The following GMNN variants were observed in gnomAD, a reference collection of about 807,000 sequenced individuals.
GMNN encodes the protein geminin.
A neutral mutation model predicts 20.9 loss-of-function variants in GMNN; 14 were observed. The ratio of observed to expected loss-of-function variants is 0.67; its 90% CI spans 0.44 to 1.05. The LOEUF (loss-of-function observed/expected upper bound fraction) is 1.05. GMNN is among the 50% of genes least tolerant of loss of function. The pLI is 0.00. For synonymous variants in GMNN, 81 were observed against 85.8 expected (o/e 0.94, Z 0.31); for missense variants, 227 against 243.8 (o/e 0.93, Z 0.46).
intron 6 of GMNN, among the ~76,000 whole-genome samples, chr6:24,785,393 T>G (rs1395203792): frequency 6.6e-6 from 1 of 152,084 alleles, no homozygotes; most frequent in Non-Finnish European, 1.5e-5. Flanking sequence ...CTGTTTATAC[T>G]CTGAAATAAT....
At chr6:24,781,813 T>C (rs1037460571) in intron 4 of GMNN, among the ~76,000 whole-genome samples, 192 bp downstream of exon 4, 2 of 152,128 alleles carry the variant, frequency 1.3e-5, no homozygotes, top group Admixed American at 6.6e-5. Context: ...GGAGGCCCAG[T>C]GCAGTGGCTC....
chr6:24,782,643 ACT>A (rs1304765575), intron 4 of GMNN, among the ~76,000 whole-genome samples: 1 of 152,206 alleles, frequency 6.6e-6, no homozygotes, highest in Non-Finnish European at 1.5e-5. Context: ...GATTTGTGAC[ACT>A]CATATCTGAT....
At chr6:24,785,003 T>A (rs1337365886) in intron 6 of GMNN, among the ~76,000 whole-genome samples, 1 of 152,194 alleles carries the variant, frequency 6.6e-6, no homozygotes, top group Non-Finnish European at 1.5e-5. Context: ...GACATTACTG[T>A]CATTTATAAA....
chr6:24,775,775 C>G (rs1414392513), intron 1 of GMNN: 1 of 152,272 alleles, frequency 6.6e-6, no homozygotes, highest in Non-Finnish European at 1.5e-5. Flanking sequence ...GCGTGGGAAA[C>G]TTGTGAAGGA....
chr6:24,781,423 A>C (rs1780214753), intron 3 of GMNN, 54 bp from the exon 4 acceptor site: 1 of 1,231,266 alleles, frequency 8.1e-7, no homozygotes, highest in African/African-American at 1.5e-5. Context: ...AAACCACCTA[A>C]TTTCTTGTTA....
intron 4 of GMNN, among the ~76,000 whole-genome samples, chr6:24,783,798 G>A (rs1272763464): frequency 6.6e-6 from 1 of 152,006 alleles, no homozygotes; most frequent in Non-Finnish European, 1.5e-5. Flanking sequence ...AAAAATGTCA[G>A]TGTTACATAA....
chr6:24,776,151 G>T (rs1261322968), intron 1 of GMNN, among the ~76,000 whole-genome samples: 5 of 151,906 alleles, frequency 3.3e-5, no homozygotes, highest in African/African-American at 1.2e-4. Context: ...AGGCTGGAGT[G>T]CAGTGGCAGG....
At position 24,786,015 on chromosome 6, in the gene GMNN, T is replaced by G; in HGVS notation, c.*216T>G. Reference sequence around the variant, plus strand: ...TTTCTCAGTTGTCAGCCATGACTTATGTTTATTACTAAATAAACTTCAAAC... The same window carrying G: ...TTTCTCAGTTGTCAGCCATGACTTAGGTTTATTACTAAATAAACTTCAAAC... On this transcript the variant is annotated 3_prime_UTR_variant, in exon 7 of 7. Transcript: ENST00000230056. 1 of 427,256 alleles carries G rather than the reference T, an allele frequency of 2.3e-6. No individual in the cohort carries two copies. Among genetic ancestry groups the G allele is most frequent in the Non-Finnish European group, 4.1e-6 (1 of 243,324 alleles). The allele number at this position is 427,256 out of a possible 1,614,324, so 26.5% of individuals were successfully genotyped here.
intron 4 of GMNN, 69 bp downstream of exon 4, chr6:24,781,690 T>C (rs1780225612): frequency 1.5e-6 from 1 of 659,030 alleles, no homozygotes; most frequent in Admixed American, 3.0e-5. Context: ...GTTAATACTA[T>C]TATGAATTCT....
intron 3 of GMNN, 23 bp downstream of exon 3, chr6:24,780,763 G>A (rs1189459338): frequency 1.7e-6 from 2 of 1,144,616 alleles, no homozygotes; most frequent in East Asian, 2.3e-5. Context: ...TGGCTAAAAT[G>A]GGGTACTGGT....
chr6:24,782,931 A>T lies in GMNN; in HGVS notation c.275-1156A>T, dbSNP rs182172203. ...GTATATTTTAGGACTGAGCAAATGA[A>T]TAACATGTTGAAGTATTACATTTCC... On this transcript the variant is annotated intron_variant, in intron 4 of 6. Coordinates refer to ENST00000230056, the MANE Select transcript of GMNN (RefSeq NM_015895.5). 1.1e-4 allele frequency among the ~76,000 whole-genome samples: 17 copies of T among 152,270 alleles called. No homozygotes were observed. The East Asian group carries it at 2.9e-3, about 26-fold the overall frequency.
At chr6:24,777,905 G>C (rs1013654012) in intron 2 of GMNN, among the ~76,000 whole-genome samples, 6 of 152,060 alleles carry the variant, frequency 3.9e-5, no homozygotes, top group Non-Finnish European at 8.8e-5. Flanking sequence ...CCACAGACAT[G>C]TTTTGCATTA....
At position 24,785,793 on chromosome 6, in the gene GMNN, T is replaced by C; in HGVS notation, c.624T>C (p.Cys208=). ...TVSSSTDAKP[C]I ...CTTCCTCTACGGATGCAAAGCCATG[T>C]ATATGAAATGCATTAATATTTGACT... Residue 208 remains cysteine (C), a synonymous_variant, in exon 7 of 7, where the codon TGT becomes TGC. Transcript: ENST00000230056. 10 of 1,564,964 alleles carry C rather than the reference T, an allele frequency of 6.4e-6. No homozygotes were observed. Among genetic ancestry groups the C allele is most frequent in the Non-Finnish European group, 8.7e-6 (10 of 1,153,850 alleles).
chr6:24,784,209 C>A, intron 5 of GMNN, 40 bp downstream of exon 5: 2 of 1,045,090 alleles, frequency 1.9e-6, no homozygotes, highest in Non-Finnish European at 3.0e-6. Flanking sequence ...TTAAAAATTC[C>A]AGGATTGTTT....
intron 2 of GMNN, among the ~76,000 whole-genome samples, chr6:24,779,250 A>T (rs571405348): frequency 6.6e-6 from 1 of 152,342 alleles, no homozygotes; most frequent in Non-Finnish European, 1.5e-5. Context: ...TTAAGAGTCT[A>T]TTATTCCAAT....
rs1252875932 is a variant in GMNN at position 24,774,969 on chromosome 6, G to C, written c.-301G>C. ...GGTCACGTGGTTGTTCGGAGCGGGC[G>C]AGCGGAGTTAGCAGGGCTTTACTGC... On this transcript the variant is annotated 5_prime_UTR_variant, in exon 1 of 7. Coordinates refer to ENST00000230056, the MANE Select transcript of GMNN (RefSeq NM_015895.5). The C allele has an allele frequency of 2.6e-5, 4 of 152,314 alleles. No homozygotes were observed. Among genetic ancestry groups the C allele is most frequent in the Non-Finnish European group, 4.4e-5 (3 of 68,108 alleles). 9.4% of individuals were successfully genotyped at this position (152,314 alleles called of 1,614,324 possible). A position where few individuals can be genotyped will look rare whatever the true frequency, so the allele number is the denominator to read the frequency against.
Position 24,781,457 on chromosome 6 carries a change from G to C in GMNN, c.130-20G>C, listed in dbSNP as rs765384734. Reference sequence around the variant, plus strand: ...TAATTAAATCAAAGTAAATACAGTTGATAAGTGTTTTCATTATAGCTGTCC... The same window carrying C: ...TAATTAAATCAAAGTAAATACAGTTCATAAGTGTTTTCATTATAGCTGTCC... On this transcript the variant is annotated intron_variant, in intron 3 of 6. Coordinates refer to ENST00000230056, the MANE Select transcript of GMNN (RefSeq NM_015895.5). The C allele has an allele frequency of 6.5e-7, 1 of 1,537,234 alleles. No homozygotes were observed. The highest frequency in any genetic ancestry group is 2.3e-5 in the East Asian group (1 of 43,934).
intron 4 of GMNN, among the ~76,000 whole-genome samples, chr6:24,783,876 G>C (rs550138757): frequency 6.6e-6 from 1 of 151,974 alleles, no homozygotes; most frequent in Non-Finnish European, 1.5e-5. Flanking sequence ...AGATATATAC[G>C]TATTGTACTT....
chr6:24,778,941 A>G (rs1359340306), intron 2 of GMNN, among the ~76,000 whole-genome samples: 1 of 152,062 alleles, frequency 6.6e-6, no homozygotes, highest in Non-Finnish European at 1.5e-5. Flanking sequence ...CATTTTAAAG[A>G]AAGTCTTGTG....
Sources: gnomAD v4.1 joint callset for allele counts (sites outside exome capture counted in the v4.1 genomes callset) on GRCh38, gnomAD v4.1.1 for gene constraint, MANE v1.5 for transcripts, NCBI Gene and HGNC (gene_info 2026-07-23, HGNC 2026-07-21) for gene names.